Variants in EFL1 observed in about 807,000 individuals in gnomAD.
The protein encoded by EFL1 is elongation factor like GTPase 1.
A neutral mutation model predicts 126.7 loss-of-function variants in EFL1; 76 were observed. That is an observed-to-expected ratio of 0.60 (90% CI 0.50 to 0.73). The LOEUF is 0.73. EFL1 is among the 30% of genes least tolerant of loss of function. The probability of loss-of-function intolerance (pLI) is 0.00; values close to 1 mark genes in which losing one functional copy is unlikely to be tolerated. For synonymous variants in EFL1, 410 were observed against 448.4 expected, an observed-to-expected ratio of 0.91 and a Z score of 1.08; for missense variants, 1,128 against 1,343.2, an observed-to-expected ratio of 0.84 and a Z score of 2.50.
At chr15:82,202,851 G>A (rs1167488364) in intron 15 of EFL1, among the ~76,000 whole-genome samples, 1 of 147,450 alleles carries the variant, frequency 6.8e-6, no homozygotes, top group Non-Finnish European at 1.5e-5. Context: ...TTGCTCTGTC[G>A]TCCAGGCTGA....
intron 15 of EFL1, among the ~76,000 whole-genome samples, chr15:82,182,940 T>C (rs778398591): frequency 6.6e-6 from 1 of 151,928 alleles, no homozygotes; most frequent in Non-Finnish European, 1.5e-5. Context: ...GTGAGGAAAA[T>C]TAGGCATCCA....
At position 82,130,296 on chromosome 15, in the gene EFL1, G is replaced by T. The variant is rs138719887; in HGVS notation, c.*77C>A. ...ATAAACAGAGATAATGTGGCAAAAA[G>T]AAATTTTCCCAATATTAAACCCTTG... is the stretch of plus-strand genomic sequence containing the variant. On this transcript the variant is annotated 3_prime_UTR_variant, in exon 20 of 20. Transcript: ENST00000268206. The T allele has an allele frequency of 8.5e-4, 1,255 of 1,469,962 alleles. 23 individuals are homozygous for T. In the Admixed American group the frequency reaches 0.026, roughly 31 times the overall value. 91.1% of individuals were successfully genotyped at this position (1,469,962 alleles called of 1,614,324 possible). A position where few individuals can be genotyped will look rare whatever the true frequency, so the allele number is the denominator to read the frequency against.
intron 11 of EFL1, 141 bp from the exon 12 acceptor site, chr15:82,225,405 T>A (rs2074753026): frequency 8.4e-6 from 5 of 597,520 alleles, no homozygotes; most frequent in Admixed American, 3.9e-5. Flanking sequence ...TTTTTCCAAC[T>A]ATGATAAAAA....
At position 82,152,325 on chromosome 15, in the gene EFL1, C is replaced by T. The variant is rs768767563; in HGVS notation, c.2129G>A (p.Gly710Asp). 6.2e-7 allele frequency: 1 copy of T among 1,613,940 alleles called. No individual in the cohort carries two copies. Among genetic ancestry groups the T allele is most frequent in the Non-Finnish European group, 8.5e-7 (1 of 1,180,014 alleles). Reference sequence around the variant, plus strand: ...TATGACTGCAACTTTTTGCTGTTTGCCTATTTCTTCATTGACCATGTCAAC... The same window carrying T: ...TATGACTGCAACTTTTTGCTGTTTGTCTATTTCTTCATTGACCATGTCAAC... ...PKVDMVNEEI[G>D]KQQKVAVIHQ... Residue 710 changes from glycine to aspartate, a missense_variant, in exon 18 of 20, where the codon GGC (glycine) becomes GAC (aspartate). Around this residue, in one of 6 missense-constraint regions of EFL1, gnomAD observed 561 missense variants for 641.7 expected, o/e 0.87. Transcript: ENST00000268206.
At chr15:82,179,785 C>G (rs2074230842) in intron 15 of EFL1, among the ~76,000 whole-genome samples, 1 of 134,008 alleles carries the variant, frequency 7.5e-6, no homozygotes, top group Non-Finnish European at 1.5e-5. Context: ...CAGGGGTCCA[C>G]CCTCACTTCT....
At chr15:82,161,373 G>C (rs1488258174) in intron 16 of EFL1, among the ~76,000 whole-genome samples, 4 of 152,154 alleles carry the variant, frequency 2.6e-5, no homozygotes, top group African/African-American at 9.7e-5. Flanking sequence ...TAAGTTACTA[G>C]GGCAAAGAGT....
intron 19 of EFL1, among the ~76,000 whole-genome samples, chr15:82,135,657 C>A (rs1216209736): frequency 6.6e-6 from 1 of 152,146 alleles, no homozygotes; most frequent in African/African-American, 2.4e-5. Context: ...AGACAATAGG[C>A]CATAGATCTA....
intron 17 of EFL1, among the ~76,000 whole-genome samples, chr15:82,153,902 T>C (rs902201628): frequency 6.6e-6 from 1 of 152,196 alleles, no homozygotes; most frequent in Non-Finnish European, 1.5e-5. Flanking sequence ...TAGGAAAATA[T>C]TTCTAAAATT....
intron 15 of EFL1, among the ~76,000 whole-genome samples, chr15:82,172,748 T>A (rs2074150267): frequency 6.6e-6 from 1 of 152,158 alleles, no homozygotes; most frequent in Non-Finnish European, 1.5e-5. Context: ...ATACCATATA[T>A]CTGTATCAAG....
At chr15:82,249,611 G>A (rs1342546716) in intron 4 of EFL1, among the ~76,000 whole-genome samples, 3 of 152,034 alleles carry the variant, frequency 2.0e-5, no homozygotes, top group African/African-American at 4.8e-5. Flanking sequence ...TTTACAGAAC[G>A]TATATTGTTA....
chr15:82,143,983 C>T (rs2073816074), intron 18 of EFL1, among the ~76,000 whole-genome samples: 1 of 152,156 alleles, frequency 6.6e-6, no homozygotes, highest in Admixed American at 6.5e-5. Flanking sequence ...GGCATACGCT[C>T]GCACGCCTGG....
At chr15:82,138,885 G>T in intron 18 of EFL1, 43 bp from the exon 19 acceptor site, 2 of 1,569,740 alleles carry the variant, frequency 1.3e-6, no homozygotes, top group Non-Finnish European at 1.7e-6. Context: ...TCAATCATAT[G>T]GCTTGAGCCA....
intron 7 of EFL1, among the ~76,000 whole-genome samples, chr15:82,231,994 A>AAGTC (rs1288613095): frequency 1.3e-5 from 2 of 152,164 alleles, no homozygotes; most frequent in Non-Finnish European, 2.9e-5. Context: ...TCCAGATGTT[A>AAGTC]AGTCAGGATA....
intron 2 of EFL1, among the ~76,000 whole-genome samples, chr15:82,260,716 T>TG (rs1446583127): frequency 1.3e-5 from 2 of 152,166 alleles, no homozygotes; most frequent in Non-Finnish European, 2.9e-5. Flanking sequence ...AACTTGAAAA[T>TG]GGAGATCTGA....
chr15:82,253,091 T>C (rs1259330135), intron 3 of EFL1, among the ~76,000 whole-genome samples: 1 of 151,854 alleles, frequency 6.6e-6, no homozygotes, highest in African/African-American at 2.4e-5. Context: ...CAGGCTGGAA[T>C]GCAATGGTAC....
chr15:82,195,314 G>A (rs1431329381), intron 15 of EFL1, among the ~76,000 whole-genome samples: 5 of 152,194 alleles, frequency 3.3e-5, no homozygotes, highest in African/African-American at 1.2e-4. Context: ...TAAGACTAAT[G>A]TTCTGTTACC....
Position 82,152,339 on chromosome 15 carries a change from G to A in EFL1, c.2115C>T (p.Val705=). ...TITKPPKVDM[V]NEEIGKQQKV... ...TTTGCTGTTTGCCTATTTCTTCATT[G>A]ACCATGTCAACTTTTGGGGGTTTTG... The change falls in exon 18 of 20, where the codon GTC becomes GTT. Residue 705 remains valine, a synonymous_variant. Transcript: ENST00000268206. 1 of 1,613,832 alleles carries A rather than the reference G, an allele frequency of 6.2e-7. No homozygotes were observed. Among genetic ancestry groups the A allele is most frequent in the Middle Eastern group, 1.6e-4 (1 of 6,062 alleles).
intron 15 of EFL1, among the ~76,000 whole-genome samples, chr15:82,210,576 G>GT (rs541635730): frequency 6.8e-4 from 103 of 152,084 alleles, no homozygotes; most frequent in African/African-American, 2.3e-3. Context: ...TAGACACCAC[G>GT]TGGGGCCAGG....
chr15:82,187,541 C>T (rs777716172), intron 15 of EFL1, among the ~76,000 whole-genome samples: 1 of 151,956 alleles, frequency 6.6e-6, no homozygotes, highest in Non-Finnish European at 1.5e-5. Flanking sequence ...TTCTTGTGAC[C>T]TAGTAAATTC....
Sources: gnomAD v4.1 joint callset for allele counts (sites outside exome capture counted in the v4.1 genomes callset) on GRCh38, gnomAD v4.1.1 for gene constraint, gnomAD v4.1.1 regional missense constraint, MANE v1.5 for transcripts, NCBI Gene and HGNC (gene_info 2026-07-23, HGNC 2026-07-21) for gene names.